Variants in TSG101 observed in about 807,000 individuals in gnomAD.
TSG101 encodes the protein tumor susceptibility gene 101 protein.
TSG101 carries 19 observed loss-of-function variants against 48.5 expected under a neutral mutation model. The observed-to-expected ratio is 0.39, with a 90% CI of 0.27 to 0.58. The LOEUF is 0.58. TSG101 is among the 20% of genes least tolerant of loss of function. The pLI is 0.55. For missense variants in TSG101, 365 were observed against 484.4 expected, an observed-to-expected ratio of 0.75 and a Z score of 2.31; for synonymous variants, 174 against 169.4, an observed-to-expected ratio of 1.03 and a Z score of -0.21.
chr11:18,514,192 T>C (rs1193957393), intron 4 of TSG101, among the ~76,000 whole-genome samples: 1 of 152,218 alleles, frequency 6.6e-6, no homozygotes, highest in East Asian at 1.9e-4. Flanking sequence ...CATACATGTC[T>C]TGATTGCCTA....
At chr11:18,516,982 C>G (rs556109070) in intron 2 of TSG101, among the ~76,000 whole-genome samples, 1 of 152,180 alleles carries the variant, frequency 6.6e-6, no homozygotes, top group Non-Finnish European at 1.5e-5. Flanking sequence ...CAATACCATA[C>G]TAAATGTTAA....
At chr11:18,497,787 ATCATT>A (rs1223546867) in intron 7 of TSG101, among the ~76,000 whole-genome samples, 2 of 152,294 alleles carry the variant, frequency 1.3e-5, no homozygotes, top group Non-Finnish European at 2.9e-5. Flanking sequence ...TCTAACTCCA[ATCATT>A]TCATTATATT....
intron 1 of TSG101, among the ~76,000 whole-genome samples, chr11:18,524,744 G>T (rs1309573877): frequency 1.3e-5 from 2 of 152,026 alleles, no homozygotes; most frequent in African/African-American, 2.4e-5. Flanking sequence ...TTGGGTGGAG[G>T]GGAAGGCAGG....
intron 7 of TSG101, among the ~76,000 whole-genome samples, chr11:18,499,400 A>ATTT (rs1204737360): frequency 5.9e-4 from 4 of 6,786 alleles, no homozygotes; most frequent in African/African-American, 8.2e-4. Flanking sequence ...ATATATATAT[A>ATTT]TATTTTTTTT....
chr11:18,492,797 T>A (rs1590273633), intron 7 of TSG101, among the ~76,000 whole-genome samples: 3 of 148,998 alleles, frequency 2.0e-5, no homozygotes, highest in African/African-American at 2.4e-5. Flanking sequence ...AACTAAGATC[T>A]GAAATAAGAA....
intron 7 of TSG101, among the ~76,000 whole-genome samples, chr11:18,488,629 G>C (rs1849654873): frequency 6.6e-6 from 1 of 152,038 alleles, no homozygotes; most frequent in African/African-American, 2.4e-5. Context: ...CAGAGCTCTG[G>C]TGCTAGAAGT....
At chr11:18,514,612 A>C (rs1256319329) in intron 4 of TSG101, 66 bp downstream of exon 4, 20 of 1,360,160 alleles carry the variant, frequency 1.5e-5, no homozygotes, top group African/African-American at 7.6e-5. Flanking sequence ...GTGCTAAAAG[A>C]AAGCAGATGC....
At chr11:18,482,413 A>T (rs935777091) in intron 8 of TSG101, among the ~76,000 whole-genome samples, 1 of 152,232 alleles carries the variant, frequency 6.6e-6, no homozygotes, top group Non-Finnish European at 1.5e-5. Flanking sequence ...TACAATCTAG[A>T]ACCACTTTGT....
chr11:18,526,375 A>G (rs969139785), intron 1 of TSG101, among the ~76,000 whole-genome samples: 3 of 152,242 alleles, frequency 2.0e-5, no homozygotes, highest in African/African-American at 7.2e-5. Context: ...CTAAGACTGG[A>G]GGATCCCTAG....
At position 18,488,847 on chromosome 11, in the gene TSG101, C is replaced by T. The variant is rs141676413; in HGVS notation, c.641-4775G>A. Among the ~76,000 whole-genome samples, 540 of 152,078 alleles carry T rather than the reference C, an allele frequency of 3.6e-3. 24 individuals carry two copies. Among genetic ancestry groups the T allele is most frequent in the Admixed American group, 0.034 (515 of 15,286 alleles). On this transcript the variant is annotated intron_variant, in intron 7 of 9. Coordinates refer to ENST00000251968, the MANE Select transcript of TSG101 (RefSeq NM_006292.4). The stretch of plus-strand genomic sequence containing the variant: ...ACAGTCAAAAAGGATGATGGGGGGC[C>T]GGGCGCAGTGGCTCACACCTGCAAT...
chr11:18,508,108 G>T (rs1850005470), intron 5 of TSG101, among the ~76,000 whole-genome samples: 1 of 147,634 alleles, frequency 6.8e-6, no homozygotes, highest in African/African-American at 2.5e-5. Flanking sequence ...AAAAAAAAAA[G>T]TTGCTTAGGA....
At chr11:18,521,426 T>C (rs1850273050) in intron 1 of TSG101, among the ~76,000 whole-genome samples, 1 of 140,642 alleles carries the variant, frequency 7.1e-6, no homozygotes, top group Non-Finnish European at 1.5e-5. Flanking sequence ...TACAGTGCAG[T>C]GGTATGATCA....
intron 7 of TSG101, chr11:18,490,541 CCA>C: frequency 6.2e-6 from 3 of 487,574 alleles, no homozygotes; most frequent in Non-Finnish European, 1.2e-5. Flanking sequence ...GCTGGGAATT[CCA>C]CACAGTGGTT....
Position 18,480,488 on chromosome 11 carries a change from TAAAA to T in TSG101, c.*54_*57del. 1 of 1,396,892 alleles carries T rather than the reference TAAAA, an allele frequency of 7.2e-7. No homozygotes were observed. Among genetic ancestry groups the T allele is most frequent in the Non-Finnish European group, 1.0e-6 (1 of 999,790 alleles). 86.5% of individuals were successfully genotyped at this position (1,396,892 alleles called of 1,614,324 possible). A position where few individuals can be genotyped will look rare whatever the true frequency, so the allele number is the denominator to read the frequency against. On this transcript the variant is annotated 3_prime_UTR_variant, in exon 10 of 10. Coordinates refer to ENST00000251968, the MANE Select transcript of TSG101 (RefSeq NM_006292.4). ...ATAACTTATTCTGGGCACCTACTGA[TAAAA>T]GGAAGAGAAGAATACTTTAAGAAGA...
intron 7 of TSG101, among the ~76,000 whole-genome samples, chr11:18,486,427 G>A (rs1284110848): frequency 6.6e-6 from 1 of 152,212 alleles, no homozygotes; most frequent in Non-Finnish European, 1.5e-5. Context: ...AAACAATTCT[G>A]CCCAACCAGC....
chr11:18,499,204 T>C (rs530507413), intron 7 of TSG101, among the ~76,000 whole-genome samples: 2 of 138,358 alleles, frequency 1.4e-5, no homozygotes, highest in Non-Finnish European at 3.1e-5. Context: ...TAAATATATA[T>C]ATATAAAATA....
At chr11:18,507,893 A>C (rs1041221377) in intron 5 of TSG101, 3 of 152,116 alleles carry the variant, frequency 2.0e-5, no homozygotes, top group Non-Finnish European at 4.4e-5. Flanking sequence ...CAGGAGTTCG[A>C]GACCAGCCTG....
At chr11:18,503,810 GGTTA>G (rs1031242524) in intron 6 of TSG101, among the ~76,000 whole-genome samples, 5 of 152,076 alleles carry the variant, frequency 3.3e-5, no homozygotes, top group African/African-American at 9.7e-5. Flanking sequence ...CTGGCCACCT[GGTTA>G]GTTAGACAAT....
intron 1 of TSG101, among the ~76,000 whole-genome samples, chr11:18,523,345 A>G (rs1850310638): frequency 6.6e-6 from 1 of 151,852 alleles, no homozygotes; most frequent in South Asian, 2.1e-4. Flanking sequence ...AGCACTTATC[A>G]CTTTCCAACG....
Sources: allele counts gnomAD v4.1 joint callset (sites outside exome capture counted in the v4.1 genomes callset), GRCh38; gene constraint gnomAD v4.1.1; transcripts MANE v1.5; gene names NCBI Gene and HGNC (gene_info 2026-07-23, HGNC 2026-07-21).